LAMA2: variants seen among roughly 807,000 people sequenced by gnomAD.
LAMA2 encodes the protein laminin subunit alpha 2.
In LAMA2, 269 loss-of-function variants were observed where a neutral mutation model predicts 364.8. That is an observed-to-expected ratio of 0.74 (90% CI 0.67 to 0.82). The LOEUF is 0.82. LAMA2 is among the 40% of genes least tolerant of loss of function. The pLI is 0.00. For synonymous variants in LAMA2, 1,379 were observed against 1,370.6 expected, an observed-to-expected ratio of 1.01 and a Z score of -0.14; for missense variants, 3,807 against 3,873.2, an observed-to-expected ratio of 0.98 and a Z score of 0.45.
Position 129,514,578 on chromosome 6 carries a change from T to C in LAMA2, c.9194T>C (p.Phe3065Ser). ...TCAGCTGACACAAATGACCCTGTGT[T>C]TGTTGGAGGCTTCCCAGGTGAGTGT... is the stretch of plus-strand genomic sequence containing the variant. ...STSADTNDPV[F>S]VGGFPDDLKQ... The change falls in exon 64 of 65, where the codon TTT becomes TCT. Residue 3065 changes from phenylalanine to serine, a missense_variant. Transcript: ENST00000421865. 1 of 1,613,984 alleles carries C rather than the reference T, an allele frequency of 6.2e-7. No homozygotes were observed.
chr6:129,287,715 C>A, intron 18 of LAMA2, 132 bp from the exon 19 acceptor site: 1 of 802,552 alleles, frequency 1.2e-6, no homozygotes, highest in Admixed American at 1.8e-5. Context: ...TTTTTAATCA[C>A]GTTGCGTTTG....
At chr6:129,246,187 T>A (rs1163115951) in intron 12 of LAMA2, among the ~76,000 whole-genome samples, 1 of 152,226 alleles carries the variant, frequency 6.6e-6, no homozygotes, top group Non-Finnish European at 1.5e-5. Flanking sequence ...TCAGATTGGA[T>A]AATGCTATCC....
chr6:128,924,190 A>T (rs1417323882), intron 1 of LAMA2, among the ~76,000 whole-genome samples: 1 of 152,038 alleles, frequency 6.6e-6, no homozygotes, highest in Non-Finnish European at 1.5e-5. Context: ...TAATTTTTAC[A>T]AGCTTCTTTT....
intron 1 of LAMA2, among the ~76,000 whole-genome samples, chr6:129,043,024 G>A (rs1787214454): frequency 6.6e-6 from 1 of 152,048 alleles, no homozygotes; most frequent in Non-Finnish European, 1.5e-5. Context: ...TCTTGGATAT[G>A]TACCTAACAG....
chr6:128,965,792 A>T (rs184021262), intron 1 of LAMA2, among the ~76,000 whole-genome samples: 75 of 152,072 alleles, frequency 4.9e-4, no homozygotes, highest in African/African-American at 1.7e-3. Context: ...GATGTCTCCC[A>T]ATATTATTTC....
intron 1 of LAMA2, among the ~76,000 whole-genome samples, chr6:129,044,189 T>TATAC (rs150575470): frequency 0.3 from 45,923 of 151,168 alleles, 7,569 homozygotes; most frequent in African/African-American, 0.44. Flanking sequence ...TATATATATA[T>TATAC]ACACACACAT....
intron 54 of LAMA2, 23 bp from the exon 55 acceptor site, chr6:129,481,240 C>G (rs1784330609): frequency 6.2e-7 from 1 of 1,603,314 alleles, no homozygotes; most frequent in African/African-American, 1.3e-5. Context: ...ATGGTTTCTA[C>G]TCTTCTTTTC....
chr6:128,968,359 G>T (rs1781980906), intron 1 of LAMA2, among the ~76,000 whole-genome samples: 1 of 152,138 alleles, frequency 6.6e-6, no homozygotes, highest in African/African-American at 2.4e-5. Flanking sequence ...TAAGCAATGG[G>T]AAAACAGGAG....
At chr6:129,356,993 A>G (rs1293193736) in intron 32 of LAMA2, among the ~76,000 whole-genome samples, 2 of 152,048 alleles carry the variant, frequency 1.3e-5, no homozygotes, top group Non-Finnish European at 2.9e-5. Context: ...ACAGCTTTAC[A>G]ATGTTATGTA....
intron 6 of LAMA2, among the ~76,000 whole-genome samples, chr6:129,148,344 G>A (rs1778597242): frequency 6.6e-6 from 1 of 151,924 alleles, no homozygotes; most frequent in Non-Finnish European, 1.5e-5. Context: ...CACACACCAG[G>A]GCCTATCAGA....
At chr6:128,968,028 C>T (rs1346487504) in intron 1 of LAMA2, among the ~76,000 whole-genome samples, 1 of 152,170 alleles carries the variant, frequency 6.6e-6, no homozygotes, top group African/African-American at 2.4e-5. Flanking sequence ...ATTAAACAGA[C>T]CAATCACTAG....
chr6:129,158,054 G>T, intron 8 of LAMA2: 1 of 1,612,358 alleles, frequency 6.2e-7, no homozygotes, highest in Non-Finnish European at 8.5e-7. Context: ...GAGCAATTGC[G>T]GGCTTTCCTT....
intron 1 of LAMA2, among the ~76,000 whole-genome samples, chr6:128,996,985 A>G (rs1342536732): frequency 1.3e-5 from 2 of 152,196 alleles, no homozygotes; most frequent in Non-Finnish European, 2.9e-5. Flanking sequence ...AGGGACATGG[A>G]TGAAGCTGGA....
chr6:129,465,416 C>T, intron 51 of LAMA2, 127 bp downstream of exon 51: 1 of 828,198 alleles, frequency 1.2e-6, no homozygotes, highest in East Asian at 2.6e-5. Flanking sequence ...AAAATTTATA[C>T]AGTCATTTTT....
chr6:129,147,888 T>G (rs1698008591), intron 6 of LAMA2, among the ~76,000 whole-genome samples: 1 of 152,104 alleles, frequency 6.6e-6, no homozygotes, highest in Admixed American at 6.6e-5. Flanking sequence ...GCAGTGCTGC[T>G]TTCTGCCTGG....
At chr6:129,464,825 G>T (rs1783456814) in intron 50 of LAMA2, among the ~76,000 whole-genome samples, 1 of 151,744 alleles carries the variant, frequency 6.6e-6, no homozygotes, top group Non-Finnish European at 1.5e-5. Flanking sequence ...TTTTTTTCTG[G>T]TCAGTATTTC....
chr6:129,462,681 C>T (rs1209197202), intron 49 of LAMA2, among the ~76,000 whole-genome samples: 2 of 151,800 alleles, frequency 1.3e-5, no homozygotes, highest in Admixed American at 1.3e-4. Context: ...CAGGTCAGCC[C>T]CAACCCTATT....
At chr6:129,320,971 A>C (rs535305381) in intron 28 of LAMA2, among the ~76,000 whole-genome samples, 1 of 152,222 alleles carries the variant, frequency 6.6e-6, no homozygotes, top group Non-Finnish European at 1.5e-5. Flanking sequence ...AGAGACATTT[A>C]AACTGCAATG....
rs758936473 is a variant in LAMA2 at position 129,297,702 on chromosome 6, A to G, written c.2874A>G (p.Leu958=). 2.0e-5 allele frequency: 33 copies of G among 1,613,758 alleles called. No homozygotes were observed. The highest frequency in any genetic ancestry group is 1.7e-4 in the Middle Eastern group (1 of 5,914). The change falls in exon 21 of 65, where the codon CTA becomes CTG. Residue 958 remains leucine, a synonymous_variant. Transcript: ENST00000421865. ...CDKCKAGTFG[L]QSARGCVPCN... The stretch of plus-strand genomic sequence containing the variant: ...ATTGCCAGGCTGGGACCTTTGGCCT[A>G]CAATCAGCAAGGGGCTGTGTTCCCT...
Sources: gnomAD v4.1 joint callset for allele counts (sites outside exome capture counted in the v4.1 genomes callset) on GRCh38, gnomAD v4.1.1 for gene constraint, MANE v1.5 for transcripts, NCBI Gene and HGNC (gene_info 2026-07-23, HGNC 2026-07-21) for gene names.